FLRT1: variants seen among roughly 807,000 people sequenced by gnomAD.
FLRT1 encodes the protein fibronectin leucine rich transmembrane protein 1.
In FLRT1, 14 loss-of-function variants were observed where a neutral mutation model predicts 30.9. The observed-to-expected ratio is 0.45, with a 90% CI of 0.30 to 0.71. The LOEUF (loss-of-function observed/expected upper bound fraction) is 0.71, where lower values mean the gene tolerates loss of function less well. FLRT1 is among the 30% of genes least tolerant of loss of function. FLRT1 has a pLI of 0.08. For synonymous variants in FLRT1, 368 were observed against 430.4 expected, an observed-to-expected ratio of 0.85 and a Z score of 1.80; for missense variants, 737 against 949.2, an observed-to-expected ratio of 0.78 and a Z score of 2.94.
At chr11:64,096,000 T>TG (rs755109906) in intron 1 of FLRT1, among the ~76,000 whole-genome samples, 9 of 152,158 alleles carry the variant, frequency 5.9e-5, no homozygotes, top group Non-Finnish European at 1.3e-4. Flanking sequence ...CCCATGAGCC[T>TG]GCAGGATATG....
At chr11:64,062,385 G>A (rs1345525900) in intron 1 of FLRT1, among the ~76,000 whole-genome samples, 1 of 152,112 alleles carries the variant, frequency 6.6e-6, no homozygotes, top group African/African-American at 2.4e-5. Context: ...TCCCACACCT[G>A]GAGGTCTTAT....
At chr11:64,049,334 A>C (rs1250183456) in intron 1 of FLRT1, among the ~76,000 whole-genome samples, 4 of 152,192 alleles carry the variant, frequency 2.6e-5, no homozygotes, top group Non-Finnish European at 2.9e-5. Context: ...GGTCCTACCG[A>C]TGCCCAAAGG....
chr11:64,113,603 G>C (rs1944903045), intron 2 of FLRT1, among the ~76,000 whole-genome samples: 1 of 117,554 alleles, frequency 8.5e-6, no homozygotes. Context: ...GGATGGTTAG[G>C]TGGATGGATG....
At chr11:64,056,564 A>G (rs868767401) in intron 1 of FLRT1, among the ~76,000 whole-genome samples, 52 of 152,304 alleles carry the variant, frequency 3.4e-4, no homozygotes, top group African/African-American at 1.1e-3. Flanking sequence ...CCCAAACCTC[A>G]TGCCCCAAAG....
intron 1 of FLRT1, among the ~76,000 whole-genome samples, chr11:64,089,256 G>A (rs191005122): frequency 1.1e-4 from 17 of 152,334 alleles, no homozygotes; most frequent in African/African-American, 3.6e-4. Context: ...CTGGGTGGGG[G>A]AGCAGGGCTT....
intron 1 of FLRT1, among the ~76,000 whole-genome samples, chr11:64,053,301 C>T (rs1263558238): frequency 6.6e-6 from 1 of 152,180 alleles, no homozygotes; most frequent in African/African-American, 2.4e-5. Context: ...TTTGAGGTTA[C>T]CCTTTTAATT....
In FLRT1 at chr11:64,103,523, A is replaced by C. The variant is rs1944707287; in HGVS notation, c.-708A>C. 1 of 151,782 alleles carries C rather than the reference A, an allele frequency of 6.6e-6. No homozygotes were observed. Among genetic ancestry groups the C allele is most frequent in the Admixed American group, 6.6e-5 (1 of 15,228 alleles). The allele number at this position is 151,782 out of a possible 1,614,324, so 9.4% of individuals were successfully genotyped here. A position where few individuals can be genotyped will look rare whatever the true frequency, so the allele number is the denominator to read the frequency against. On this transcript the variant is annotated 5_prime_UTR_variant, in exon 2 of 3. Coordinates refer to ENST00000682287, the MANE Select transcript of FLRT1 (RefSeq NM_013280.5). ...AGCCTTTGGAGAGTGGCTCCCTCTC[A>C]GCTCCGTCATGCAAGAACACTCTCT...
intron 1 of FLRT1, among the ~76,000 whole-genome samples, chr11:64,049,047 T>C (rs1183071917): frequency 7.9e-6 from 1 of 126,994 alleles, no homozygotes; most frequent in African/African-American, 3.6e-5. Flanking sequence ...GATAGGCAGA[T>C]CACATATTTG....
chr11:64,059,474 GCATCCCATGCCCTTC>G (rs1343988553), intron 1 of FLRT1, among the ~76,000 whole-genome samples: 1 of 152,188 alleles, frequency 6.6e-6, no homozygotes, highest in Non-Finnish European at 1.5e-5. Context: ...TTCTGAGAGG[GCATCCCATGCCCTTC>G]CACAGGCTGA....
In FLRT1 at chr11:64,064,062, C is replaced by T. The variant is rs963877566; in HGVS notation, c.-1038+27903C>T. ...TTGTAGGTTAGCCAGCTTTGAACAG[C>T]GACACCCACACAAACCCGAGGTCTC... is the stretch of plus-strand genomic sequence containing the variant. On this transcript the variant is annotated intron_variant, in intron 1 of 2. Transcript: ENST00000682287. The surrounding 1 kb of genome is among the most constrained non-coding windows in gnomAD (Gnocchi z 4.5). Among the ~76,000 whole-genome samples the T allele has an allele frequency of 3.3e-5, 5 of 152,168 alleles. No individual in the cohort carries two copies. The highest frequency in any genetic ancestry group is 7.3e-5 in the Non-Finnish European group (5 of 68,032).
chr11:64,113,964 A>G (rs577957538), intron 2 of FLRT1, among the ~76,000 whole-genome samples: 4 of 144,020 alleles, frequency 2.8e-5, no homozygotes, highest in South Asian at 2.3e-4. Context: ...GGATGGATGG[A>G]TAATTGGATG....
intron 1 of FLRT1, among the ~76,000 whole-genome samples, chr11:64,100,028 G>A (rs1393169456): frequency 6.6e-6 from 1 of 152,178 alleles, no homozygotes; most frequent in Non-Finnish European, 1.5e-5. Context: ...GCAGCAAGAA[G>A]GAAACTGGCC....
At chr11:64,074,223 G>A (rs988111952) in intron 1 of FLRT1, among the ~76,000 whole-genome samples, 32 of 152,252 alleles carry the variant, frequency 2.1e-4, no homozygotes, top group African/African-American at 7.7e-4. Flanking sequence ...TTCCCCCAAG[G>A]CCCCAGAATG....
rs992849067 is a variant in FLRT1, at chr11:64,064,273, C to T, written c.-1038+28114C>T. Among the ~76,000 whole-genome samples the T allele has an allele frequency of 2.0e-5, 3 of 152,172 alleles. No homozygotes were observed. Among genetic ancestry groups the T allele is most frequent in the Non-Finnish European group, 2.9e-5 (2 of 68,036 alleles). On this transcript the variant is annotated intron_variant, in intron 1 of 2. Coordinates refer to ENST00000682287, the MANE Select transcript of FLRT1 (RefSeq NM_013280.5). This position sits in a 1 kb window ranked among gnomAD's most constrained non-coding sequence, Gnocchi z 4.5. ...GGGACAAAAAGCAACCAAGCCACAC[C>T]GTAGTCTCCACGTGCAGCCCTGTTC...
chr11:64,106,068 T>A (rs1225395461), intron 2 of FLRT1, among the ~76,000 whole-genome samples: 1 of 152,058 alleles, frequency 6.6e-6, no homozygotes, highest in Admixed American at 6.5e-5. Context: ...CAGGCCAGCA[T>A]CCATATCAGT....
At chr11:64,100,597 T>C (rs1007875438) in intron 1 of FLRT1, among the ~76,000 whole-genome samples, 2 of 152,062 alleles carry the variant, frequency 1.3e-5, no homozygotes, top group Non-Finnish European at 2.9e-5. Context: ...GGCGCACGCA[T>C]TTACATATTT....
intron 1 of FLRT1, among the ~76,000 whole-genome samples, chr11:64,049,214 C>A (rs1167659953): frequency 6.6e-6 from 1 of 152,140 alleles, no homozygotes; most frequent in South Asian, 2.1e-4. Flanking sequence ...TGGAAGGACC[C>A]CCAGAGACCA....
At chr11:64,069,092 C>T (rs1944058280) in intron 1 of FLRT1, among the ~76,000 whole-genome samples, 1 of 152,184 alleles carries the variant, frequency 6.6e-6, no homozygotes, top group Non-Finnish European at 1.5e-5. Flanking sequence ...AGAAGGAGCC[C>T]TGGAGAACCA....
At chr11:64,101,132 C>T (rs1311967807) in intron 1 of FLRT1, among the ~76,000 whole-genome samples, 1 of 151,934 alleles carries the variant, frequency 6.6e-6, no homozygotes, top group Non-Finnish European at 1.5e-5. Context: ...CAGAGGGTGG[C>T]CCATTGCAGG....
Sources: allele counts gnomAD v4.1 joint callset (sites outside exome capture counted in the v4.1 genomes callset), GRCh38; gene constraint gnomAD v4.1.1; non-coding constraint Gnocchi (gnomAD v3.1); transcripts MANE v1.5; gene names NCBI Gene and HGNC (gene_info 2026-07-23, HGNC 2026-07-21).